Variants in TUSC3 observed in about 807,000 individuals in gnomAD.
TUSC3 encodes dolichyl-diphosphooligosaccharide--protein glycosyltransferase subunit TUSC3.
TUSC3 carries 45 observed loss-of-function variants against 44.8 expected under a neutral mutation model. The ratio of observed to expected loss-of-function variants is 1.00; its 90% CI spans 0.79 to 1.29. The LOEUF (loss-of-function observed/expected upper bound fraction) is 1.29, where lower values mean the gene tolerates loss of function less well. Ranked by LOEUF, TUSC3 falls within the 50% of genes most tolerant of loss-of-function variation. TUSC3 has a pLI of 0.00. For missense variants in TUSC3, 519 were observed against 437.9 expected, an observed-to-expected ratio of 1.19 and a Z score of -1.65; for synonymous variants, 212 against 152.9, an observed-to-expected ratio of 1.39 and a Z score of -2.85.
At chr8:15,532,163 T>C (rs371089285) in intron 2 of TUSC3, among the ~76,000 whole-genome samples, 2 of 152,322 alleles carry the variant, frequency 1.3e-5, no homozygotes, top group East Asian at 1.9e-4. Flanking sequence ...TTATCTGAAC[T>C]TGGCTCCTTT....
intron 1 of TUSC3, among the ~76,000 whole-genome samples, chr8:15,452,800 C>T (rs1800210713): frequency 6.6e-6 from 1 of 152,144 alleles, no homozygotes; most frequent in Non-Finnish European, 1.5e-5. Flanking sequence ...CAAGAACCAT[C>T]CTATAAAATC....
intron 2 of TUSC3, among the ~76,000 whole-genome samples, chr8:15,490,177 T>C (rs1800788559): frequency 1.3e-5 from 2 of 152,186 alleles, no homozygotes; most frequent in South Asian, 2.1e-4. Context: ...AAACAAGTGA[T>C]GGTGAGTAAT....
rs184086517 is a variant in TUSC3 at position 15,764,690 on chromosome 8, T to C, written c.*534T>C. The C allele has an allele frequency of 6.2e-6, 1 of 161,000 alleles. No individual in the cohort carries two copies. Among genetic ancestry groups the C allele is most frequent in the Admixed American group, 6.0e-5 (1 of 16,620 alleles). 10.0% of individuals were successfully genotyped at this position (161,000 alleles called of 1,614,324 possible). The stretch of plus-strand genomic sequence containing the variant: ...ACGAATAGTGTTTTGTTATTAATTA[T>C]AACTAGATAAAGGTATATAGGACAG... On this transcript the variant is annotated 3_prime_UTR_variant, in exon 11 of 11. Transcript: ENST00000503731.
Position 15,475,068 on chromosome 8 carries a change from G to A in TUSC3, n.92-8318G>A, listed in dbSNP as rs17121494. Among the ~76,000 whole-genome samples the A allele has an allele frequency of 1.8e-3, 280 of 151,934 alleles. 1 individual carries two copies. The highest frequency in any genetic ancestry group is 6.0e-3 in the African/African-American group (249 of 41,398). Reference sequence around the variant, plus strand: ...TAATTCAACTACAATATTTATAGGCGCCCCCTTTATACACAGTTTGCTGCT... The same window carrying A: ...TAATTCAACTACAATATTTATAGGCACCCCCTTTATACACAGTTTGCTGCT... On this transcript the variant is annotated intron_variant and non_coding_transcript_variant, in intron 1 of 5. Transcript: ENST00000503191.
rs540672022 is a variant in TUSC3 at position 15,469,499 on chromosome 8, T to C, written n.92-13887T>C. Among the ~76,000 whole-genome samples the C allele has an allele frequency of 1.4e-4, 22 of 152,274 alleles. 1 individual carries two copies. Among genetic ancestry groups the C allele is most frequent in the African/African-American group, 5.1e-4 (21 of 41,556 alleles). On this transcript the variant is annotated intron_variant and non_coding_transcript_variant, in intron 1 of 5. Coordinates refer to the TUSC3 transcript ENST00000503191. ...TGGCCAAAATCCAAATCACTAACAC[T>C]AAATGCTGGAGAGTATGGAACAACA... is the stretch of plus-strand genomic sequence containing the variant.
At chr8:15,728,583 A>C (rs1810591645) in intron 6 of TUSC3, among the ~76,000 whole-genome samples, 2 of 151,992 alleles carry the variant, frequency 1.3e-5, no homozygotes, top group Admixed American at 1.3e-4. Flanking sequence ...AAATTAAGTT[A>C]CTCTCCTGAG....
At chr8:15,480,610 T>C (rs73665414) in intron 1 of TUSC3, among the ~76,000 whole-genome samples, 1 of 152,146 alleles carries the variant, frequency 6.6e-6, no homozygotes, top group Admixed American at 6.5e-5. Context: ...ACATGTGAAA[T>C]AAAATTTCTA....
intron 7 of TUSC3, among the ~76,000 whole-genome samples, chr8:15,742,093 C>T (rs890822364): frequency 6.6e-6 from 1 of 152,170 alleles, no homozygotes; most frequent in Non-Finnish European, 1.5e-5. Flanking sequence ...ACAAAACAGT[C>T]ATTCTCTTAG....
intron 1 of TUSC3, among the ~76,000 whole-genome samples, chr8:15,436,753 T>C (rs1410245750): frequency 6.6e-6 from 1 of 152,196 alleles, no homozygotes; most frequent in Non-Finnish European, 1.5e-5. Flanking sequence ...TTTCATAGTG[T>C]GCAAGTGTCA....
intron 5 of TUSC3, among the ~76,000 whole-genome samples, chr8:15,663,989 A>G (rs761767170): frequency 6.6e-6 from 1 of 151,918 alleles, no homozygotes; most frequent in Non-Finnish European, 1.5e-5. Flanking sequence ...TTACATTCAA[A>G]TAACATTAAC....
the TUSC3 span, among the ~76,000 whole-genome samples, chr8:15,796,138 T>C: frequency 6.6e-6 from 1 of 152,094 alleles, no homozygotes; most frequent in Admixed American, 6.6e-5. Context: ...GTCCTTTCCT[T>C]TGTATCCAGT....
At chr8:15,838,026 T>C in the TUSC3 span, among the ~76,000 whole-genome samples, 144 of 152,128 alleles carry the variant, frequency 9.5e-4, 1 homozygote, top group African/African-American at 3.3e-3. Context: ...TTTACTTCTT[T>C]GCTAGTGGAT....
the TUSC3 span, among the ~76,000 whole-genome samples, chr8:15,777,832 T>C: frequency 6.6e-6 from 1 of 152,098 alleles, no homozygotes; most frequent in Non-Finnish European, 1.5e-5. Context: ...ACACAAGAAG[T>C]ATATATTCAT....
chr8:15,834,398 T>C, the TUSC3 span, among the ~76,000 whole-genome samples: 1 of 152,198 alleles, frequency 6.6e-6, no homozygotes, highest in Non-Finnish European at 1.5e-5. Flanking sequence ...AAATCTGTAG[T>C]GACCATAGCG....
intron 2 of TUSC3, among the ~76,000 whole-genome samples, chr8:15,533,774 G>A (rs959354254): frequency 2.0e-5 from 3 of 152,188 alleles, no homozygotes; most frequent in Non-Finnish European, 4.4e-5. Context: ...GAATGTTTCT[G>A]TGTTGAGAAG....
chr8:15,785,495 G>C, the TUSC3 span, among the ~76,000 whole-genome samples: 1 of 140,560 alleles, frequency 7.1e-6, no homozygotes, highest in Non-Finnish European at 1.5e-5. Context: ...AACCTTTCTT[G>C]AACTACCATC....
chr8:15,828,363 G>A, the TUSC3 span, among the ~76,000 whole-genome samples: 21,276 of 152,034 alleles, frequency 0.14, 1,668 homozygotes, highest in African/African-American at 0.22. Context: ...AACATCTGTA[G>A]GTGACCATAA....
At chr8:15,708,322 T>C (rs546850974) in intron 6 of TUSC3, among the ~76,000 whole-genome samples, 1 of 152,092 alleles carries the variant, frequency 6.6e-6, no homozygotes, top group Non-Finnish European at 1.5e-5. Flanking sequence ...AAAAACCTTG[T>C]GTGTCACAGG....
chr8:15,418,416 G>C (rs918501614), intron 1 of TUSC3, among the ~76,000 whole-genome samples: 1 of 151,994 alleles, frequency 6.6e-6, no homozygotes, highest in African/African-American at 2.4e-5. Context: ...GTCTTTACAA[G>C]TATTTACTTC....
Sources: allele counts gnomAD v4.1 joint callset (sites outside exome capture counted in the v4.1 genomes callset), GRCh38; gene constraint gnomAD v4.1.1; transcripts MANE v1.5; gene names NCBI Gene and HGNC (gene_info 2026-07-23, HGNC 2026-07-21).